The following KDM6B variants were observed in gnomAD, a reference collection of about 807,000 sequenced individuals.
KDM6B encodes lysine demethylase 6B, also known as lysine-specific demethylase 6B.
KDM6B carries 22 observed loss-of-function variants against 150.4 expected under a neutral mutation model. The observed-to-expected ratio is 0.15, with a 90% CI of 0.10 to 0.21. The LOEUF (loss-of-function observed/expected upper bound fraction) is 0.21. Among genes scored for constraint, KDM6B ranks in the 10% least tolerant of loss-of-function variants. The pLI is 1.00. For missense variants in KDM6B, 1,984 were observed against 2,234.3 expected (o/e 0.89, Z 2.26); for synonymous variants, 1,148 against 921.1 (o/e 1.25, Z -4.46).
At position 7,852,974 on chromosome 17, in the gene KDM6B, C is replaced by G. The variant is rs201764087; in HGVS notation, c.4611-26C>G. On this transcript the variant is annotated intron_variant, in intron 21 of 23. Coordinates refer to ENST00000448097, the MANE Select transcript of KDM6B (RefSeq NM_001348716.2). ...CTCAGGCCTCCTCCTTGCCGGTGGT[C>G]TCAACACAACCCCACTGCTCCCCAG... 555 of 1,613,364 alleles carry G rather than the reference C, an allele frequency of 3.4e-4. 3 individuals carry two copies. Among genetic ancestry groups the G allele is most frequent in the Admixed American group, 3.8e-4 (23 of 60,010 alleles).
At chr17:7,837,270 A>G (rs1412816388) in intron 1 of KDM6B, among the ~76,000 whole-genome samples, 1 of 151,130 alleles carries the variant, frequency 6.6e-6, no homozygotes, top group Non-Finnish European at 1.5e-5. Context: ...TGAAAGACGG[A>G]AGAGTTGTGT....
chr17:7,851,611 G>A, intron 17 of KDM6B, 37 bp from the exon 18 acceptor site: 1 of 1,604,740 alleles, frequency 6.2e-7, no homozygotes, highest in Non-Finnish European at 8.5e-7. Context: ...CGTGGCGGGG[G>A]CGGGGTGTAG....
At position 7,847,930 on chromosome 17, in the gene KDM6B, A is replaced by T; in HGVS notation, c.1642A>T (p.Thr548Ser). 1 of 1,492,186 alleles carries T rather than the reference A, an allele frequency of 6.7e-7. No homozygotes were observed. The highest frequency in any genetic ancestry group is 9.0e-7 in the Non-Finnish European group (1 of 1,107,802). 92.4% of individuals were successfully genotyped at this position (1,492,186 alleles called of 1,614,324 possible). A position where few individuals can be genotyped will look rare whatever the true frequency, so the allele number is the denominator to read the frequency against. ...QDSHTPPTPP[T>S]PTTSSSNSNS... ...TTCTCACACCCCTCCCACTCCCCCA[A>T]CCCCAACCACCAGCAGTAGCAACAG... The change falls in exon 12 of 24, where the codon ACC (threonine) becomes TCC (serine). Residue 548 changes from threonine to serine, a missense_variant. Transcript: ENST00000448097.
chr17:7,853,343 C>T lies in KDM6B; in HGVS notation c.4871C>T (p.Thr1624Ile). The T allele has an allele frequency of 1.3e-6, 2 of 1,574,316 alleles. No homozygotes were observed. The highest frequency in any genetic ancestry group is 1.7e-6 in the Non-Finnish European group (2 of 1,162,506). The part of the protein sequence containing the change: ...QGVVVLEQYR[T>I]EELAQAYDAF... Reference sequence around the variant, plus strand: ...GTGGTGGTGCTGGAGCAGTACCGCACTGAGGAGCTGGCTCAGGCCTACGAC... The same window carrying T: ...GTGGTGGTGCTGGAGCAGTACCGCATTGAGGAGCTGGCTCAGGCCTACGAC... Residue 1624 changes from threonine to isoleucine, a missense_variant, in exon 23 of 24, where the codon ACT becomes ATT. By Grantham distance (89) the Thr-to-Ile change is moderately conservative (BLOSUM62 -1). This residue lies in a region of KDM6B where 58 missense variants were observed against 76.4 expected (regional missense o/e 0.76). Transcript: ENST00000448097.
chr17:7,840,930 A>T (rs1821188952), intron 2 of KDM6B, among the ~76,000 whole-genome samples: 1 of 152,202 alleles, frequency 6.6e-6, no homozygotes, highest in African/African-American at 2.4e-5. Context: ...GCTGAAAGGA[A>T]GGTTGACCCA....
chr17:7,834,932 G>A (rs1457987238), intron 1 of KDM6B, among the ~76,000 whole-genome samples: 1 of 150,974 alleles, frequency 6.6e-6, no homozygotes, highest in African/African-American at 2.4e-5. Flanking sequence ...CTCATCCCTA[G>A]TCCTTCTCCC....
Position 7,845,459 on chromosome 17 carries a change from A to G in KDM6B, c.-6+3A>G, listed in dbSNP as rs572149353. On this transcript the variant is annotated splice_donor_region_variant and intron_variant, in intron 4 of 23. Coordinates refer to ENST00000448097, the MANE Select transcript of KDM6B (RefSeq NM_001348716.2). Reference sequence around the variant, plus strand: ...CTCCTGGGGCCACTGCTGACCTGGTAAGGGAAACTCTGGGGCCGAGCTGGC... The same window carrying G: ...CTCCTGGGGCCACTGCTGACCTGGTGAGGGAAACTCTGGGGCCGAGCTGGC... The G allele has an allele frequency of 4.7e-6, 7 of 1,501,926 alleles. No homozygotes were observed. Among genetic ancestry groups the G allele is most frequent in the African/African-American group, 1.4e-5 (1 of 72,616 alleles). The allele number at this position is 1,501,926 out of a possible 1,614,324, so 93.0% of individuals were successfully genotyped here. A position where few individuals can be genotyped will look rare whatever the true frequency, so the allele number is the denominator to read the frequency against.
Position 7,847,763 on chromosome 17 carries a change from G to C in KDM6B, c.1475G>C (p.Arg492Pro). The change falls in exon 12 of 24, where the codon CGG (arginine) becomes CCG (proline). Residue 492 changes from arginine to proline, a missense_variant. Transcript: ENST00000448097. Reference sequence around the variant, plus strand: ...GCCTGGTTGAAGGGTCCGGCCTGCCGGGCAGCCCGAGAGGATGGAGAGATC... The same window carrying C: ...GCCTGGTTGAAGGGTCCGGCCTGCCCGGCAGCCCGAGAGGATGGAGAGATC... ...PPAWLKGPAC[R>P]AAREDGEILE... is the part of the protein sequence containing the mutation. The C allele has an allele frequency of 6.6e-7, 1 of 1,515,200 alleles. No individual in the cohort carries two copies. Among genetic ancestry groups the C allele is most frequent in the Non-Finnish European group, 8.8e-7 (1 of 1,132,692 alleles). The allele number at this position is 1,515,200 out of a possible 1,614,324, so 93.9% of individuals were successfully genotyped here. A position where few individuals can be genotyped will look rare whatever the true frequency, so the allele number is the denominator to read the frequency against.
intron 10 of KDM6B, 40 bp from the exon 11 acceptor site, chr17:7,847,065 T>G (rs781263325): frequency 3.1e-6 from 5 of 1,610,918 alleles, no homozygotes; most frequent in Admixed American, 1.7e-5. Flanking sequence ...AGTCCCACGC[T>G]CTCTATTCCT....
chr17:7,837,490 C>G (rs187580559), intron 1 of KDM6B, among the ~76,000 whole-genome samples: 1 of 152,306 alleles, frequency 6.6e-6, no homozygotes, highest in Admixed American at 6.5e-5. Context: ...TTGTTCTTCT[C>G]TATTAAGTCC....
chr17:7,849,989 G>A (rs773694416), intron 13 of KDM6B, 42 bp downstream of exon 13: 3 of 1,613,434 alleles, frequency 1.9e-6, no homozygotes, highest in South Asian at 1.1e-5. Flanking sequence ...CTGCCAGAGG[G>A]TTCTAAGACA....
rs1443204081 is a variant in KDM6B at position 7,852,189 on chromosome 17, C to T, written c.4321C>T (p.Leu1441=). Residue 1441 remains leucine (L), a synonymous_variant, in exon 20 of 24, where the codon CTG becomes TTG. Coordinates refer to ENST00000448097, the MANE Select transcript of KDM6B (RefSeq NM_001348716.2). ...DYLTGSWWPI[L]DDLYASNIPV... ...CTTGACGGGTTCCTGGTGGCCAATC[C>T]TGGATGATCTCTATGCATCCAATAT... 3 of 1,614,070 alleles carry T rather than the reference C, an allele frequency of 1.9e-6. No homozygotes were observed. Among genetic ancestry groups the T allele is most frequent in the East Asian group, 2.2e-5 (1 of 44,900 alleles).
Position 7,843,815 on chromosome 17 carries a change from C to A in KDM6B, c.-268-1086C>A, listed in dbSNP as rs912361184. ...GGACGCCGGGTAGGCAAGGAGGAGG[C>A]GCGGGGACGCAGCTCCTGGGCTCAG... On this transcript the variant is annotated intron_variant, in intron 2 of 23. Coordinates refer to ENST00000448097, the MANE Select transcript of KDM6B (RefSeq NM_001348716.2). The surrounding 1 kb of genome is among the most constrained non-coding windows in gnomAD (Gnocchi z 4.5). Among the ~76,000 whole-genome samples, 1 of 152,022 alleles carries A rather than the reference C, an allele frequency of 6.6e-6. No homozygotes were observed. Among genetic ancestry groups the A allele is most frequent in the Non-Finnish European group, 1.5e-5 (1 of 67,978 alleles).
At position 7,847,158 on chromosome 17, in the gene KDM6B, C is replaced by T. The variant is rs769823229; in HGVS notation, c.963C>T (p.Thr321=). The T allele has an allele frequency of 2.1e-5, 33 of 1,607,406 alleles. No homozygotes were observed. Among genetic ancestry groups the T allele is most frequent in the South Asian group, 4.4e-5 (4 of 91,086 alleles). Residue 321 remains threonine (T), a synonymous_variant, in exon 11 of 24, where the codon ACC becomes ACT. Coordinates refer to ENST00000448097, the MANE Select transcript of KDM6B (RefSeq NM_001348716.2). ...ATCCATACCCAGCTCCAGCGTACACCGCGCACCCCCCTGGCCACCGGCTGG... is the reference window on the plus strand; with the variant it reads ...ATCCATACCCAGCTCCAGCGTACACTGCGCACCCCCCTGGCCACCGGCTGG... ...HPYPYPAPAY[T]AHPPGHRLVP...
In KDM6B at chr17:7,846,666, G is replaced by A; in HGVS notation, c.637G>A (p.Ala213Thr). 6.2e-7 allele frequency: 1 copy of A among 1,614,118 alleles called. No individual in the cohort carries two copies. The highest frequency in any genetic ancestry group is 8.5e-7 in the Non-Finnish European group (1 of 1,179,980). Residue 213 changes from alanine to threonine, a missense_variant, in exon 9 of 24, where the codon GCA becomes ACA. Physicochemically the swap from Ala to Thr is moderately conservative, Grantham distance 58. Around this residue, in one of 13 missense-constraint regions of KDM6B, gnomAD observed 337 missense variants for 323.9 expected, o/e 1.04. Coordinates refer to ENST00000448097, the MANE Select transcript of KDM6B (RefSeq NM_001348716.2). ...AGTGGTGCAGCCTGTGCCTCCTGCA[G>A]CACTCTCAGGCCCCTCAGGGGAGGA... Reference protein sequence around the residue: ...PPVVQPVPPAALSGPSGEEGL... With the variant: ...PPVVQPVPPATLSGPSGEEGL...
chr17:7,851,814 G>C lies in KDM6B; in HGVS notation c.4165+18G>C. 1 of 1,556,482 alleles carries C rather than the reference G, an allele frequency of 6.4e-7. No individual in the cohort carries two copies. Among genetic ancestry groups the C allele is most frequent in the South Asian group, 1.2e-5 (1 of 85,520 alleles). On this transcript the variant is annotated intron_variant, in intron 18 of 23. Transcript: ENST00000448097. ...AACGCCAGGTGCGCTCCACGCCTGT[G>C]CGCGCTGATGCTGGAAGCGCGAGAG...
rs951645053 is a variant in KDM6B, at chr17:7,843,748, A to T, written c.-268-1153A>T. ...GCTGCTCTTTGTACTCTAGACTCTC[A>T]ATGGACCGATCCCGGGAGCCGAGTC... On this transcript the variant is annotated intron_variant, in intron 2 of 23. Transcript: ENST00000448097. The surrounding 1 kb of genome is among the most constrained non-coding windows in gnomAD (Gnocchi z 4.5). 7.2e-5 allele frequency among the ~76,000 whole-genome samples: 11 copies of T among 151,764 alleles called. No homozygotes were observed. Among genetic ancestry groups the T allele is most frequent in the Non-Finnish European group, 1.5e-4 (10 of 67,852 alleles).
intron 14 of KDM6B, among the ~76,000 whole-genome samples, chr17:7,850,693 G>A (rs1567800949): frequency 6.6e-6 from 1 of 152,130 alleles, no homozygotes; most frequent in African/African-American, 2.4e-5. Flanking sequence ...TCCAAATGGG[G>A]AAAAAAGAAG....
In KDM6B at chr17:7,849,407, G is replaced by A. The variant is rs1192501541; in HGVS notation, c.3119G>A (p.Gly1040Glu). The change falls in exon 12 of 24, where the codon GGG becomes GAG. Residue 1040 changes from glycine (G) to glutamate (E), a missense_variant. Gly to Glu is a moderately conservative substitution (Grantham distance 98). Around this residue, in one of 13 missense-constraint regions of KDM6B, gnomAD observed 1,379 missense variants for 1,275.6 expected, o/e 1.08. Coordinates refer to ENST00000448097, the MANE Select transcript of KDM6B (RefSeq NM_001348716.2). ...GAGAAGTCCCGGCCCGATCTTGGCG[G>A]GGCCTCCAAGGCCAAGCCACCCACA... ...GREKSRPDLG[G>E]ASKAKPPTAP... 2 of 1,611,506 alleles carry A rather than the reference G, an allele frequency of 1.2e-6. No individual in the cohort carries two copies. Among genetic ancestry groups the A allele is most frequent in the Non-Finnish European group, 1.7e-6 (2 of 1,179,564 alleles).
Sources: allele counts gnomAD v4.1 joint callset (sites outside exome capture counted in the v4.1 genomes callset), GRCh38; gene constraint gnomAD v4.1.1; regional missense constraint gnomAD v4.1.1; non-coding constraint Gnocchi (gnomAD v3.1); transcripts MANE v1.5; gene names NCBI Gene and HGNC (gene_info 2026-07-23, HGNC 2026-07-21).